The following PTPRM variants were observed in gnomAD, a reference collection of about 807,000 sequenced individuals.
PTPRM encodes the protein receptor-type tyrosine-protein phosphatase mu.
In PTPRM, 47 loss-of-function variants were observed where a neutral mutation model predicts 186.7. That is an observed-to-expected ratio of 0.25 (90% confidence interval 0.20 to 0.32). PTPRM has a LOEUF of 0.32. Ranked by LOEUF, PTPRM falls within the 10% of genes least tolerant of loss-of-function variation. PTPRM has a pLI of 1.00. For synonymous variants in PTPRM, 668 were observed against 674.9 expected (o/e 0.99, Z 0.16); for missense variants, 1,494 against 1,865.0 (o/e 0.80, Z 3.66).
chr18:7,669,995 C>T (rs1335538260), intron 1 of PTPRM, among the ~76,000 whole-genome samples: 2 of 152,086 alleles, frequency 1.3e-5, no homozygotes, highest in Non-Finnish European at 2.9e-5. Flanking sequence ...CCGCCTGCCT[C>T]GGACTCCCAA....
intron 7 of PTPRM, among the ~76,000 whole-genome samples, chr18:8,053,895 A>G (rs1309935489): frequency 3.3e-5 from 5 of 151,930 alleles, no homozygotes; most frequent in Non-Finnish European, 5.9e-5. Context: ...ATATCATTTG[A>G]TCTTGTTGTA....
intron 19 of PTPRM, among the ~76,000 whole-genome samples, chr18:8,257,722 G>A (rs936569820): frequency 2.0e-5 from 3 of 152,254 alleles, no homozygotes; most frequent in Admixed American, 1.3e-4. Context: ...CATCCCATCG[G>A]CCTTTCTGGT....
At chr18:8,339,883 G>C (rs2095464039) in intron 22 of PTPRM, among the ~76,000 whole-genome samples, 1 of 151,990 alleles carries the variant, frequency 6.6e-6, no homozygotes, top group Non-Finnish European at 1.5e-5. Context: ...TTGAGATCTT[G>C]GGAAATGATT....
intron 1 of PTPRM, among the ~76,000 whole-genome samples, chr18:7,587,818 A>G (rs998622831): frequency 6.6e-6 from 1 of 152,188 alleles, no homozygotes; most frequent in Non-Finnish European, 1.5e-5. Context: ...TGAACAATAT[A>G]TGATTCCATC....
chr18:7,612,982 A>C (rs1039377551), intron 1 of PTPRM, among the ~76,000 whole-genome samples: 1 of 152,130 alleles, frequency 6.6e-6, no homozygotes, highest in African/African-American at 2.4e-5. Flanking sequence ...TATAGGCAGG[A>C]GGGCAGGACC....
chr18:8,367,903 T>C (rs141954310), intron 23 of PTPRM, among the ~76,000 whole-genome samples: 1,946 of 152,324 alleles, frequency 0.013, 22 homozygotes, highest in Non-Finnish European at 0.017. Context: ...CAATTGCATC[T>C]TGTAATTAGT....
At chr18:8,309,129 A>G (rs189928860) in intron 20 of PTPRM, among the ~76,000 whole-genome samples, 18 of 152,300 alleles carry the variant, frequency 1.2e-4, no homozygotes, top group Non-Finnish European at 1.9e-4. Flanking sequence ...AGTTTTGTCA[A>G]TTGTAAACAG....
intron 2 of PTPRM, among the ~76,000 whole-genome samples, chr18:7,813,703 A>G (rs1039191727): frequency 6.6e-6 from 1 of 151,522 alleles, no homozygotes; most frequent in Non-Finnish European, 1.5e-5. Context: ...CATATTAGGC[A>G]TATGTTAAAA....
intron 2 of PTPRM, among the ~76,000 whole-genome samples, chr18:7,817,382 A>C (rs1404272148): frequency 1.3e-5 from 2 of 152,226 alleles, no homozygotes; most frequent in African/African-American, 4.8e-5. Context: ...AAGGAAAGAT[A>C]CAGTGGTACC....
intron 1 of PTPRM, among the ~76,000 whole-genome samples, chr18:7,761,799 TAGG>T (rs1224238587): frequency 1.3e-5 from 2 of 152,006 alleles, no homozygotes; most frequent in African/African-American, 4.8e-5. Flanking sequence ...CACAAGTCCT[TAGG>T]AGGAGTGATG....
chr18:8,344,446 G>GTATATATATATATATATATATATA (rs1412437272), intron 23 of PTPRM, among the ~76,000 whole-genome samples: 42 of 16,596 alleles, frequency 2.5e-3, no homozygotes, highest in South Asian at 0.015. Context: ...GTGTGTGTGT[G>GTATATATATATATATATATATATA]TGTATATATA....
intron 1 of PTPRM, among the ~76,000 whole-genome samples, chr18:7,602,853 A>T (rs942484936): frequency 1.3e-5 from 2 of 148,866 alleles, no homozygotes; most frequent in Non-Finnish European, 3.0e-5. Flanking sequence ...CACTAAAAAT[A>T]TTAAGAGAAA....
chr18:7,785,533 C>A (rs777145211), intron 2 of PTPRM, among the ~76,000 whole-genome samples: 1 of 152,116 alleles, frequency 6.6e-6, no homozygotes, highest in Non-Finnish European at 1.5e-5. Context: ...CTTAATTTTT[C>A]TGTACTTTTG....
chr18:7,583,846 G>C (rs943393326), intron 1 of PTPRM, among the ~76,000 whole-genome samples: 5 of 152,114 alleles, frequency 3.3e-5, no homozygotes, highest in African/African-American at 1.2e-4. Flanking sequence ...GTGGTCTTAG[G>C]GAGAAAATGC....
rs142989916 is a variant in PTPRM at position 7,939,536 on chromosome 18, T to C, written c.664-9645T>C. 9.1e-4 allele frequency among the ~76,000 whole-genome samples: 138 copies of C among 152,356 alleles called. 2 individuals carry two copies. The East Asian group carries it at 0.017, about 19-fold the overall frequency. On this transcript the variant is annotated intron_variant, in intron 5 of 32. Coordinates refer to ENST00000580170, the MANE Select transcript of PTPRM (RefSeq NM_001105244.2). Reference sequence around the variant, plus strand: ...CTATCAGTACTTTTTTCTAGCCTGCTCAAATTGAAATACATGCACATTTGA... The same window carrying C: ...CTATCAGTACTTTTTTCTAGCCTGCCCAAATTGAAATACATGCACATTTGA...
At chr18:7,808,900 T>C (rs1418593327) in intron 2 of PTPRM, among the ~76,000 whole-genome samples, 1 of 152,258 alleles carries the variant, frequency 6.6e-6, no homozygotes, top group Non-Finnish European at 1.5e-5. Flanking sequence ...TGTTCACATC[T>C]GATTTGTAGC....
chr18:8,376,988 C>G (rs1228183637), intron 26 of PTPRM: 1 of 170,686 alleles, frequency 5.9e-6, no homozygotes, highest in African/African-American at 2.4e-5. Context: ...GCACTTTGTT[C>G]TTCTCCCAGG....
chr18:8,187,493 A>G (rs951476587), intron 14 of PTPRM, among the ~76,000 whole-genome samples: 5 of 152,210 alleles, frequency 3.3e-5, no homozygotes, highest in Non-Finnish European at 5.9e-5. Context: ...AAGAGTTTCC[A>G]TGCCATCTTA....
chr18:8,215,801 A>G (rs571957822), intron 14 of PTPRM, among the ~76,000 whole-genome samples: 40 of 149,506 alleles, frequency 2.7e-4, no homozygotes, highest in Non-Finnish European at 5.5e-4. Context: ...TCCTGCCTTG[A>G]CCTCCCAAAG....
Sources: allele counts gnomAD v4.1 joint callset (sites outside exome capture counted in the v4.1 genomes callset), GRCh38; gene constraint gnomAD v4.1.1; transcripts MANE v1.5; gene names NCBI Gene and HGNC (gene_info 2026-07-23, HGNC 2026-07-21).